Variants in ADAMTSL1 observed in about 807,000 individuals in gnomAD.
The protein encoded by ADAMTSL1 is ADAMTS like 1.
Under a neutral mutation model 201.8 loss-of-function variants are expected in ADAMTSL1, and 126 were observed. The ratio of observed to expected loss-of-function variants is 0.62; its 90% CI spans 0.54 to 0.72. ADAMTSL1 has a LOEUF of 0.72. ADAMTSL1 is among the 30% of genes least tolerant of loss of function. The probability of loss-of-function intolerance (pLI) is 0.00; values close to 1 mark genes in which losing one functional copy is unlikely to be tolerated. For missense variants in ADAMTSL1, 2,679 were observed against 2,277.8 expected (o/e 1.18, Z -3.59); for synonymous variants, 1,121 against 903.4 (o/e 1.24, Z -4.32).
rs141438711 is a variant in ADAMTSL1, at chr9:18,041,211, C to A, written c.88-122651C>A. ...TACCCTCATCATCACTCTGTAAAGC[C>A]TGCCCTGTCATTTGGAATAAATGGC... is the stretch of plus-strand genomic sequence containing the variant. On this transcript the variant is annotated intron_variant, in intron 1 of 29. Coordinates refer to the ADAMTSL1 transcript ENST00000680146. 6.5e-3 allele frequency among the ~76,000 whole-genome samples: 985 copies of A among 152,270 alleles called. 16 individuals carry two copies. Among genetic ancestry groups the A allele is most frequent in the African/African-American group, 0.023 (945 of 41,560 alleles).
chr9:18,140,719 T>A (rs1329934256), intron 1 of ADAMTSL1, among the ~76,000 whole-genome samples: 1 of 152,148 alleles, frequency 6.6e-6, no homozygotes, highest in African/African-American at 2.4e-5. Context: ...AATCCAACTT[T>A]CCAGAAGCCA....
intron 2 of ADAMTSL1, among the ~76,000 whole-genome samples, chr9:18,218,367 T>C (rs1830130566): frequency 6.6e-6 from 1 of 152,218 alleles, no homozygotes; most frequent in South Asian, 2.1e-4. Context: ...GCTATTTGGC[T>C]GCTAATTCTT....
chr9:18,654,640 T>C (rs1034499078), intron 7 of ADAMTSL1, among the ~76,000 whole-genome samples: 3 of 152,212 alleles, frequency 2.0e-5, no homozygotes, highest in African/African-American at 7.2e-5. Flanking sequence ...GAAGATTTTA[T>C]TATTGTTGCA....
intron 2 of ADAMTSL1, among the ~76,000 whole-genome samples, chr9:18,193,016 G>T (rs528789736): frequency 6.6e-6 from 1 of 152,094 alleles, no homozygotes; most frequent in Non-Finnish European, 1.5e-5. Flanking sequence ...CAAAAAAAAT[G>T]TGCTGAAGAC....
intron 2 of ADAMTSL1, among the ~76,000 whole-genome samples, chr9:18,426,282 G>T (rs988302414): frequency 6.6e-6 from 1 of 152,068 alleles, no homozygotes; most frequent in African/African-American, 2.4e-5. Flanking sequence ...ATAGAGGGCT[G>T]GGATAGAAGA....
At chr9:17,934,737 A>G (rs1391878892) in intron 1 of ADAMTSL1, among the ~76,000 whole-genome samples, 1 of 152,024 alleles carries the variant, frequency 6.6e-6, no homozygotes, top group South Asian at 2.1e-4. Context: ...ACCTACCTGC[A>G]TGTAGTTCAT....
At chr9:18,296,092 A>G (rs534085749) in intron 2 of ADAMTSL1, among the ~76,000 whole-genome samples, 24 of 152,348 alleles carry the variant, frequency 1.6e-4, no homozygotes, top group South Asian at 8.3e-4. Context: ...TTTAGTTGAC[A>G]GAAAATTCAG....
intron 2 of ADAMTSL1, among the ~76,000 whole-genome samples, chr9:18,389,977 A>T (rs573113793): frequency 7.2e-5 from 11 of 152,294 alleles, no homozygotes; most frequent in Non-Finnish European, 1.5e-4. Context: ...AAAGGGTTTT[A>T]AAGAAAACAA....
At chr9:18,192,586 T>G (rs1431363151) in intron 2 of ADAMTSL1, among the ~76,000 whole-genome samples, 1 of 152,134 alleles carries the variant, frequency 6.6e-6, no homozygotes, top group African/African-American at 2.4e-5. Flanking sequence ...TTCTCCAGTG[T>G]TTTTCCATGG....
At chr9:18,150,936 CAT>C (rs1826880793) in intron 1 of ADAMTSL1, among the ~76,000 whole-genome samples, 1 of 151,590 alleles carries the variant, frequency 6.6e-6, no homozygotes, top group South Asian at 2.1e-4. Context: ...GAGACAATGA[CAT>C]ATGCATAGAA....
chr9:18,778,129 G>A (rs1821172178), intron 19 of ADAMTSL1, among the ~76,000 whole-genome samples: 1 of 152,202 alleles, frequency 6.6e-6, no homozygotes. Flanking sequence ...TCTTTATAAG[G>A]AAATAGCAAC....
chr9:17,995,409 G>A (rs1249745309), intron 1 of ADAMTSL1, among the ~76,000 whole-genome samples: 1 of 152,100 alleles, frequency 6.6e-6, no homozygotes, highest in Non-Finnish European at 1.5e-5. Flanking sequence ...CAAAAGAAGG[G>A]CAACTAGTGA....
At chr9:18,616,094 C>A (rs548838589) in intron 4 of ADAMTSL1, among the ~76,000 whole-genome samples, 3 of 152,104 alleles carry the variant, frequency 2.0e-5, no homozygotes, top group African/African-American at 7.2e-5. Flanking sequence ...GACGCCATCT[C>A]GGCTCACTGC....
intron 2 of ADAMTSL1, among the ~76,000 whole-genome samples, chr9:18,385,396 C>G (rs1467863241): frequency 1.3e-5 from 2 of 152,052 alleles, no homozygotes; most frequent in Non-Finnish European, 2.9e-5. Flanking sequence ...TGAAGTGTCT[C>G]CACTGAAAAC....
intron 4 of ADAMTSL1, among the ~76,000 whole-genome samples, chr9:18,608,152 AG>A (rs1357560798): frequency 1.3e-5 from 2 of 152,204 alleles, no homozygotes; most frequent in Admixed American, 6.5e-5. Flanking sequence ...GTTAGGGTAC[AG>A]AAGCAGGTAA....
intron 1 of ADAMTSL1, among the ~76,000 whole-genome samples, chr9:18,031,645 C>T (rs1487264431): frequency 1.3e-5 from 2 of 152,132 alleles, no homozygotes; most frequent in Non-Finnish European, 2.9e-5. Context: ...CTGCCCCCAC[C>T]CACCCTCCAA....
intron 14 of ADAMTSL1, among the ~76,000 whole-genome samples, chr9:18,719,535 T>G (rs1833196704): frequency 6.6e-6 from 1 of 152,170 alleles, no homozygotes; most frequent in Non-Finnish European, 1.5e-5. Context: ...TGGCTAATTT[T>G]GTACTTTTAG....
chr9:18,070,102 T>C (rs1279748167), intron 1 of ADAMTSL1, among the ~76,000 whole-genome samples: 1 of 152,218 alleles, frequency 6.6e-6, no homozygotes, highest in Non-Finnish European at 1.5e-5. Context: ...CTATATGAGA[T>C]AATCCAGTGA....
At chr9:18,549,161 A>G (rs998564912) in intron 3 of ADAMTSL1, among the ~76,000 whole-genome samples, 3 of 152,034 alleles carry the variant, frequency 2.0e-5, no homozygotes, top group African/African-American at 7.2e-5. Flanking sequence ...ATAACCAGAC[A>G]TATCATGGTC....
Sources: gnomAD v4.1 joint callset for allele counts (sites outside exome capture counted in the v4.1 genomes callset) on GRCh38, gnomAD v4.1.1 for gene constraint, MANE v1.5 for transcripts, NCBI Gene and HGNC (gene_info 2026-07-23, HGNC 2026-07-21) for gene names.